PHF8: variants seen among roughly 807,000 people sequenced by gnomAD.
The protein encoded by PHF8 is PHD finger protein 8.
Under a neutral mutation model 74.4 loss-of-function variants are expected in PHF8, and 9 were observed. The observed-to-expected ratio is 0.12, with a 90% confidence interval of 0.07 to 0.21. The LOEUF (loss-of-function observed/expected upper bound fraction) is 0.21, where lower values mean the gene tolerates loss of function less well. Ranked by LOEUF, PHF8 falls within the 10% of genes least tolerant of loss-of-function variation. The probability of loss-of-function intolerance (pLI) is 1.00; values close to 1 mark genes in which losing one functional copy is unlikely to be tolerated. For missense variants in PHF8, 478 were observed against 816.6 expected (o/e 0.59, Z 5.05); for synonymous variants, 311 against 316.6 (o/e 0.98, Z 0.19).
chrX:53,961,708 C>T (rs1305793867), intron 19 of PHF8, among the ~76,000 whole-genome samples: 1 of 110,945 alleles, frequency 9.0e-6, no homozygotes, highest in African/African-American at 3.3e-5. Context: ...GTCACCCCCT[C>T]GACCTCAAGC....
intron 20 of PHF8, chrX:53,942,865 T>C: frequency 1.3e-6 from 1 of 751,160 alleles, no homozygotes; most frequent in Non-Finnish European, 1.6e-6. Context: ...TGCAGTGCAC[T>C]ATGGCTGTAT....
intron 18 of PHF8, among the ~76,000 whole-genome samples, chrX:53,964,988 G>C (rs2065160929): frequency 9.0e-6 from 1 of 111,139 alleles, no homozygotes; most frequent in Admixed American, 9.6e-5. Flanking sequence ...AAGTTATAGA[G>C]ATCTGTTGCA....
chrX:54,002,009 G>T, intron 10 of PHF8, 146 bp downstream of exon 10: 1 of 491,487 alleles, frequency 2.0e-6, no homozygotes, highest in East Asian at 3.8e-5. Context: ...CATATTTACG[G>T]TACACAACAT....
At chrX:54,036,102 CAAAAA>C (rs1159910510) in intron 2 of PHF8, among the ~76,000 whole-genome samples, 2 of 26,216 alleles carry the variant, frequency 7.6e-5, no homozygotes, top group African/African-American at 2.6e-4. Flanking sequence ...AACTCCATCT[CAAAAA>C]AAAAAAAAAA....
intron 18 of PHF8, among the ~76,000 whole-genome samples, chrX:53,965,828 A>G (rs782660321): frequency 9.0e-6 from 1 of 111,345 alleles, no homozygotes; most frequent in Non-Finnish European, 1.9e-5. Flanking sequence ...AAACCACATT[A>G]TAATATTCAA....
At chrX:54,023,643 G>A (rs1418649653) in intron 2 of PHF8, among the ~76,000 whole-genome samples, 1 of 108,053 alleles carries the variant, frequency 9.3e-6, no homozygotes, top group East Asian at 2.9e-4. Flanking sequence ...GAGGCAGGAG[G>A]ATCACTTGAG....
intron 4 of PHF8, among the ~76,000 whole-genome samples, chrX:54,021,921 C>T (rs1218326625): frequency 9.0e-6 from 1 of 111,405 alleles, no homozygotes; most frequent in African/African-American, 3.3e-5. Context: ...AAAGATAAAA[C>T]CTCTTTTCGA....
At chrX:53,997,618 C>T (rs2065768096) in intron 11 of PHF8, among the ~76,000 whole-genome samples, 1 of 111,686 alleles carries the variant, frequency 9.0e-6, no homozygotes, top group Admixed American at 9.5e-5. Flanking sequence ...TGAGCATGGG[C>T]TTCTCAGAAC....
At chrX:53,954,565 C>T (rs987558253) in intron 19 of PHF8, among the ~76,000 whole-genome samples, 2 of 89,918 alleles carry the variant, frequency 2.2e-5, no homozygotes, top group African/African-American at 4.2e-5. Flanking sequence ...TGTCGTAACA[C>T]GTAAGATTTT....
chrX:54,036,159 T>C (rs1557114104), intron 2 of PHF8, among the ~76,000 whole-genome samples: 2 of 106,138 alleles, frequency 1.9e-5, no homozygotes, highest in East Asian at 5.9e-4. Context: ...ATTAGAAGAA[T>C]TCAGCAACAC....
chrX:54,001,621 T>C (rs2065829375), intron 10 of PHF8, among the ~76,000 whole-genome samples: 1 of 111,761 alleles, frequency 8.9e-6, no homozygotes, highest in South Asian at 3.7e-4. Flanking sequence ...AAAGGGACTA[T>C]AAAGGGGTAG....
chrX:54,014,580 G>A lies in PHF8; in HGVS notation c.597-17C>T, dbSNP rs1557107517. On this transcript the variant is annotated splice_polypyrimidine_tract_variant and intron_variant, in intron 6 of 21. Transcript: ENST00000338154. ...TTAGAAAGTCTACCAAGGAAGGGGT[G>A]GAGAGCAGATGTCAGCTGATTAGGA... The A allele has an allele frequency of 5.3e-6, 6 of 1,141,830 alleles. No individual in the cohort carries two copies. Among genetic ancestry groups the A allele is most frequent in the South Asian group, 3.7e-5 (2 of 54,743 alleles). 94.1% of individuals were successfully genotyped at this position (1,141,830 alleles called of 1,213,427 possible). A position where few individuals can be genotyped will look rare whatever the true frequency, so the allele number is the denominator to read the frequency against.
chrX:53,970,245 G>A, intron 18 of PHF8, among the ~76,000 whole-genome samples: 1 of 111,848 alleles, frequency 8.9e-6, no homozygotes, highest in Middle Eastern at 4.6e-3. Context: ...AAGGGATTAG[G>A]ATTAATAACT....
chrX:54,047,752 T>G (rs1460701330), upstream of PHF8, among the ~76,000 whole-genome samples: 1 of 111,029 alleles, frequency 9.0e-6, no homozygotes, highest in Non-Finnish European at 1.9e-5. Context: ...ATCAGGAAAG[T>G]AAGACCAGTT....
chrX:53,974,600 C>G (rs183606486), intron 18 of PHF8, among the ~76,000 whole-genome samples: 2 of 111,677 alleles, frequency 1.8e-5, no homozygotes, highest in Non-Finnish European at 3.8e-5. Flanking sequence ...TATAAAGATA[C>G]GTGCACACGT....
chrX:54,001,226 T>C (rs1386690540), intron 10 of PHF8, among the ~76,000 whole-genome samples: 1 of 110,917 alleles, frequency 9.0e-6, no homozygotes. Flanking sequence ...CTCTGGAGGC[T>C]GAGGCAGAAG....
intron 18 of PHF8, among the ~76,000 whole-genome samples, chrX:53,980,520 G>A (rs1412183296): frequency 3.6e-5 from 4 of 111,620 alleles, no homozygotes; most frequent in Non-Finnish European, 7.5e-5. Flanking sequence ...AAAAGTGTAA[G>A]GAAATAACTT....
At chrX:53,974,960 T>TA (rs2065351239) in intron 18 of PHF8, among the ~76,000 whole-genome samples, 1 of 111,711 alleles carries the variant, frequency 9.0e-6, no homozygotes. Context: ...GATGCTGGGC[T>TA]TAATACCTAG....
chrX:54,025,692 AC>A (rs1218679753), intron 2 of PHF8, among the ~76,000 whole-genome samples: 1 of 111,182 alleles, frequency 9.0e-6, no homozygotes, highest in Non-Finnish European at 1.9e-5. Flanking sequence ...CATCCCCCAG[AC>A]CCTGTCAACA....
Sources: allele counts gnomAD v4.1 joint callset (sites outside exome capture counted in the v4.1 genomes callset), GRCh38; gene constraint gnomAD v4.1.1; transcripts MANE v1.5; gene names NCBI Gene and HGNC (gene_info 2026-07-23, HGNC 2026-07-21).